The following KCNJ6 variants were observed in gnomAD, a reference collection of about 807,000 sequenced individuals.
The protein encoded by KCNJ6 is potassium inwardly rectifying channel subfamily J member 6.
Under a neutral mutation model 34.2 loss-of-function variants are expected in KCNJ6, and 9 were observed. That is an observed-to-expected ratio of 0.26 (90% CI 0.16 to 0.46). KCNJ6 has a LOEUF of 0.46. KCNJ6 is among the 20% of genes least tolerant of loss of function. The pLI, the probability that KCNJ6 is intolerant of heterozygous loss-of-function variation, is 1.00. For synonymous variants in KCNJ6, 196 were observed against 207.1 expected (o/e 0.95, Z 0.46); for missense variants, 236 against 531.3 (o/e 0.44, Z 5.46).
intron 2 of KCNJ6, among the ~76,000 whole-genome samples, chr21:37,722,592 T>TA (rs2123459940): frequency 6.6e-6 from 1 of 152,248 alleles, no homozygotes; most frequent in South Asian, 2.1e-4. Flanking sequence ...AACAGACACA[T>TA]AGACCAATGC....
chr21:37,706,955 G>A (rs2054722984), intron 3 of KCNJ6, among the ~76,000 whole-genome samples: 1 of 152,226 alleles, frequency 6.6e-6, no homozygotes, highest in Non-Finnish European at 1.5e-5. Context: ...CTGAGCAGTT[G>A]CCTCAGAAGA....
chr21:37,807,122 A>G (rs1002126718), intron 2 of KCNJ6, among the ~76,000 whole-genome samples: 1 of 152,184 alleles, frequency 6.6e-6, no homozygotes, highest in African/African-American at 2.4e-5. Context: ...TAAGTTGCTA[A>G]CCTATTTGAG....
At chr21:37,823,678 G>T (rs1418113658) in intron 2 of KCNJ6, among the ~76,000 whole-genome samples, 2 of 152,126 alleles carry the variant, frequency 1.3e-5, no homozygotes, top group African/African-American at 4.8e-5. Flanking sequence ...AGTTTCTTGG[G>T]GCCTCCCCAG....
intron 2 of KCNJ6, among the ~76,000 whole-genome samples, chr21:37,785,716 A>G (rs1049725198): frequency 5.9e-5 from 9 of 152,222 alleles, no homozygotes; most frequent in Admixed American, 5.9e-4. Flanking sequence ...GGGGTCAGAA[A>G]AGTAGTGCCA....
intron 2 of KCNJ6, among the ~76,000 whole-genome samples, chr21:37,777,624 T>G (rs547211248): frequency 6.6e-6 from 1 of 152,306 alleles, no homozygotes; most frequent in Admixed American, 6.5e-5. Context: ...TGACTCAAGG[T>G]AGAGAACTGA....
chr21:37,731,123 G>A (rs1365651333), intron 2 of KCNJ6, among the ~76,000 whole-genome samples: 2 of 150,880 alleles, frequency 1.3e-5, no homozygotes, highest in Non-Finnish European at 1.5e-5. Flanking sequence ...GTGTGTGTGT[G>A]TGTGTTTGTG....
rs187059390 is a variant in KCNJ6 at position 37,872,024 on chromosome 21, T to G, written c.-27-31315A>C. On this transcript the variant is annotated intron_variant, in intron 1 of 3. Transcript: ENST00000609713. ...AGGAAAATACAGTTCAGTTTTTTTT[T>G]GACGGGGATTGTGGGAGAAGGTTGG... 8.0e-3 allele frequency among the ~76,000 whole-genome samples: 1,215 copies of G among 152,300 alleles called. 17 individuals are homozygous for G. Among genetic ancestry groups the G allele is most frequent in the African/African-American group, 0.027 (1,133 of 41,540 alleles).
At chr21:37,744,579 C>T (rs1198302224) in intron 2 of KCNJ6, among the ~76,000 whole-genome samples, 1 of 152,174 alleles carries the variant, frequency 6.6e-6, no homozygotes, top group Admixed American at 6.5e-5. Flanking sequence ...CACCATCTTT[C>T]ACTGATGGTA....
chr21:37,850,504 A>T (rs2055532204), intron 1 of KCNJ6, among the ~76,000 whole-genome samples: 1 of 152,082 alleles, frequency 6.6e-6, no homozygotes, highest in Non-Finnish European at 1.5e-5. Flanking sequence ...ACGCCTCATG[A>T]GAATCTATTG....
intron 2 of KCNJ6, among the ~76,000 whole-genome samples, chr21:37,776,500 C>G (rs1169926252): frequency 6.6e-6 from 1 of 151,988 alleles, no homozygotes; most frequent in Admixed American, 6.6e-5. Flanking sequence ...ATAGATAGCT[C>G]TTATTATTTT....
intron 3 of KCNJ6, among the ~76,000 whole-genome samples, chr21:37,711,707 C>T (rs1163784172): frequency 6.6e-6 from 1 of 152,046 alleles, no homozygotes; most frequent in Admixed American, 6.5e-5. Context: ...CGTAAGAGAG[C>T]AGCTGTGCTG....
intron 2 of KCNJ6, among the ~76,000 whole-genome samples, chr21:37,783,240 A>C (rs149004967): frequency 1.3e-5 from 2 of 152,346 alleles, no homozygotes; most frequent in African/African-American, 4.8e-5. Context: ...GAGGGCGTGC[A>C]TCAGCAAAAT....
At chr21:37,822,929 T>A (rs2055380717) in intron 2 of KCNJ6, among the ~76,000 whole-genome samples, 1 of 152,166 alleles carries the variant, frequency 6.6e-6, no homozygotes, top group African/African-American at 2.4e-5. Flanking sequence ...CATTCCTTCA[T>A]CGAAACATCA....
At chr21:37,647,857 C>A (rs2054412932) in intron 3 of KCNJ6, among the ~76,000 whole-genome samples, 2 of 152,214 alleles carry the variant, frequency 1.3e-5, no homozygotes, top group African/African-American at 4.8e-5. Flanking sequence ...GTAACAAACA[C>A]CTCAGCAGAG....
chr21:37,843,423 A>G (rs1206128490), intron 1 of KCNJ6, among the ~76,000 whole-genome samples: 4 of 152,084 alleles, frequency 2.6e-5, no homozygotes, highest in African/African-American at 4.8e-5. Context: ...AAATCATGAC[A>G]TATGTTTTGG....
rs1198636614 is a variant in KCNJ6 at position 37,860,907 on chromosome 21, G to C, written c.-27-20198C>G. Among the ~76,000 whole-genome samples the C allele has an allele frequency of 7.1e-5, 5 of 69,962 alleles. No homozygotes were observed. In the East Asian group the frequency reaches 1.9e-3, roughly 27 times the overall value. 45.9% of individuals were successfully genotyped at this position (69,962 alleles called of 152,430 possible). A position where few individuals can be genotyped will look rare whatever the true frequency, so the allele number is the denominator to read the frequency against. ...GGGTAGACAGTATAATCTGGGGTTA[G>C]ACTCTCAGAGTTTAAATCTCAGCTC... On this transcript the variant is annotated intron_variant, in intron 1 of 3. Coordinates refer to ENST00000609713, the MANE Select transcript of KCNJ6 (RefSeq NM_002240.5).
intron 3 of KCNJ6, among the ~76,000 whole-genome samples, chr21:37,643,176 GT>G (rs2054388848): frequency 6.6e-6 from 1 of 152,188 alleles, no homozygotes; most frequent in Admixed American, 6.5e-5. Flanking sequence ...TACCACTGGT[GT>G]TAAAGGCAGG....
At chr21:37,731,117 G>GTGTGTGTGTGTGTA (rs1556026765) in intron 2 of KCNJ6, among the ~76,000 whole-genome samples, 2 of 151,750 alleles carry the variant, frequency 1.3e-5, no homozygotes, top group African/African-American at 4.8e-5. Flanking sequence ...GTGTGTGTGT[G>GTGTGTGTGTGTGTA]TGTGTGTGTG....
chr21:37,764,745 T>C (rs1568840369), intron 2 of KCNJ6, among the ~76,000 whole-genome samples: 1 of 152,218 alleles, frequency 6.6e-6, no homozygotes, highest in East Asian at 1.9e-4. Flanking sequence ...GTTGTATTTT[T>C]AAGGTTGAAT....
Sources: allele counts gnomAD v4.1 joint callset (sites outside exome capture counted in the v4.1 genomes callset), GRCh38; gene constraint gnomAD v4.1.1; transcripts MANE v1.5; gene names NCBI Gene and HGNC (gene_info 2026-07-23, HGNC 2026-07-21).